NRXN1: variants seen among roughly 807,000 people sequenced by gnomAD.
The protein encoded by NRXN1 is neurexin 1, also known as neurexin-1.
Under a neutral mutation model 150.9 loss-of-function variants are expected in NRXN1, and 39 were observed. The ratio of observed to expected loss-of-function variants is 0.26; its 90% CI spans 0.20 to 0.34. The LOEUF is 0.34. NRXN1 is among the 10% of genes least tolerant of loss of function. NRXN1 has a pLI of 1.00. For synonymous variants in NRXN1, 924 were observed against 757.0 expected (o/e 1.22, Z -3.62); for missense variants, 1,815 against 1,949.9 (o/e 0.93, Z 1.30).
At chr2:49,927,497 A>T (rs1180188629) in intron 22 of NRXN1, among the ~76,000 whole-genome samples, 4 of 152,226 alleles carry the variant, frequency 2.6e-5, no homozygotes, top group Non-Finnish European at 5.9e-5. Context: ...TCACAACTGA[A>T]GTGCTAAAAT....
chr2:50,834,480 G>A (rs1347108652), intron 5 of NRXN1, among the ~76,000 whole-genome samples: 1 of 151,994 alleles, frequency 6.6e-6, no homozygotes, highest in Non-Finnish European at 1.5e-5. Context: ...AATTCACAGT[G>A]GCTTTTTAAC....
At chr2:50,967,361 T>A (rs530353271) in intron 2 of NRXN1, among the ~76,000 whole-genome samples, 1 of 152,150 alleles carries the variant, frequency 6.6e-6, no homozygotes, top group East Asian at 1.9e-4. Context: ...TTTTTCTTTA[T>A]AACAAATTTA....
At chr2:50,044,814 G>T (rs1691558068) in intron 21 of NRXN1, among the ~76,000 whole-genome samples, 1 of 152,074 alleles carries the variant, frequency 6.6e-6, no homozygotes, top group Non-Finnish European at 1.5e-5. Context: ...ACATATATTA[G>T]TTGCACATAA....
At chr2:50,088,811 T>C (rs968033500) in intron 19 of NRXN1, among the ~76,000 whole-genome samples, 12 of 152,196 alleles carry the variant, frequency 7.9e-5, no homozygotes, top group African/African-American at 2.7e-4. Context: ...CAGATTCAAA[T>C]TGGACATTAG....
intron 18 of NRXN1, among the ~76,000 whole-genome samples, chr2:50,160,061 A>G (rs541598742): frequency 6.6e-6 from 1 of 152,230 alleles, no homozygotes; most frequent in South Asian, 2.1e-4. Flanking sequence ...TTCTGCATCA[A>G]ATTCAGAATA....
At chr2:50,655,256 T>TAA (rs75184388) in intron 5 of NRXN1, among the ~76,000 whole-genome samples, 19 of 151,588 alleles carry the variant, frequency 1.3e-4, no homozygotes, top group Admixed American at 9.9e-4. Context: ...TTTTCAAAAT[T>TAA]AAAAAAAACA....
At chr2:50,213,140 T>C (rs990509393) in intron 18 of NRXN1, among the ~76,000 whole-genome samples, 1 of 151,866 alleles carries the variant, frequency 6.6e-6, no homozygotes. Flanking sequence ...TCCCAAGAGC[T>C]TTAATTTGAG....
intron 5 of NRXN1, among the ~76,000 whole-genome samples, chr2:50,711,728 G>A (rs1022393440): frequency 6.6e-6 from 1 of 152,098 alleles, no homozygotes; most frequent in Non-Finnish European, 1.5e-5. Flanking sequence ...ATGCAACAGT[G>A]TTGGGAGGTG....
intron 17 of NRXN1, among the ~76,000 whole-genome samples, chr2:50,458,753 T>C (rs1260866967): frequency 1.3e-5 from 2 of 152,104 alleles, no homozygotes; most frequent in Non-Finnish European, 2.9e-5. Context: ...CTAATTTTTT[T>C]GTATTTTTAG....
At chr2:50,081,086 G>C (rs1455253402) in intron 19 of NRXN1, among the ~76,000 whole-genome samples, 1 of 152,108 alleles carries the variant, frequency 6.6e-6, no homozygotes, top group Admixed American at 6.5e-5. Flanking sequence ...TACTTTATTG[G>C]ATTCCTATGG....
chr2:50,155,878 TA>T (rs1244657176), intron 18 of NRXN1, among the ~76,000 whole-genome samples: 3 of 151,462 alleles, frequency 2.0e-5, no homozygotes, highest in African/African-American at 7.2e-5. Context: ...TTCTACTGTT[TA>T]AAAAAAAGTA....
intron 21 of NRXN1, among the ~76,000 whole-genome samples, chr2:50,005,200 A>G (rs940472121): frequency 5.3e-5 from 8 of 152,156 alleles, no homozygotes; most frequent in Admixed American, 4.6e-4. Flanking sequence ...GGCAAAAATA[A>G]TTCTTATAAC....
At chr2:49,979,838 A>G (rs1190818416) in intron 21 of NRXN1, among the ~76,000 whole-genome samples, 1 of 151,872 alleles carries the variant, frequency 6.6e-6, no homozygotes, top group African/African-American at 2.4e-5. Context: ...GCAAGTATGG[A>G]TTAGAGATAG....
At chr2:50,201,095 A>G (rs1045334229) in intron 18 of NRXN1, among the ~76,000 whole-genome samples, 2 of 152,154 alleles carry the variant, frequency 1.3e-5, no homozygotes, top group African/African-American at 4.8e-5. Context: ...TGTATTGTGT[A>G]GCAGATCAGT....
At chr2:50,631,561 G>A (rs752952844) in intron 5 of NRXN1, among the ~76,000 whole-genome samples, 4 of 151,954 alleles carry the variant, frequency 2.6e-5, no homozygotes, top group Non-Finnish European at 4.4e-5. Flanking sequence ...GCCATAAAAT[G>A]AGCTTCTAAT....
intron 17 of NRXN1, among the ~76,000 whole-genome samples, chr2:50,364,612 T>C (rs997861017): frequency 9.9e-5 from 15 of 152,280 alleles, no homozygotes; most frequent in African/African-American, 3.4e-4. Context: ...CCTGATGATC[T>C]TATCAGTCAT....
intron 16 of NRXN1, among the ~76,000 whole-genome samples, chr2:50,468,146 G>A (rs1287021331): frequency 6.6e-6 from 1 of 151,516 alleles, no homozygotes; most frequent in African/African-American, 2.4e-5. Context: ...CAGAAGAAAA[G>A]GTCAGAAGCA....
At chr2:51,030,817 C>G (rs140172827) in intron 1 of NRXN1, among the ~76,000 whole-genome samples, 1 of 152,028 alleles carries the variant, frequency 6.6e-6, no homozygotes, top group Non-Finnish European at 1.5e-5. Flanking sequence ...CAAAATAAAT[C>G]TGGAATATCA....
intron 16 of NRXN1, among the ~76,000 whole-genome samples, chr2:50,471,101 C>CT (rs1183072063): frequency 1.9e-4 from 28 of 150,610 alleles, no homozygotes; most frequent in Admixed American, 1.6e-3. Flanking sequence ...TTTTATTTTA[C>CT]TTTTTTTTTA....
Sources: allele counts gnomAD v4.1 joint callset (sites outside exome capture counted in the v4.1 genomes callset), GRCh38; gene constraint gnomAD v4.1.1; transcripts MANE v1.5; gene names NCBI Gene and HGNC (gene_info 2026-07-23, HGNC 2026-07-21).